RORA: variants seen among roughly 807,000 people sequenced by gnomAD.
RORA encodes the protein nuclear receptor ROR-alpha.
A neutral mutation model predicts 69.5 loss-of-function variants in RORA; 7 were observed. The ratio of observed to expected loss-of-function variants is 0.10; its 90% CI spans 0.06 to 0.19. RORA has a LOEUF of 0.19. RORA is among the 10% of genes least tolerant of loss of function. The pLI is 1.00. For missense variants in RORA, 457 were observed against 663.0 expected (o/e 0.69, Z 3.41); for synonymous variants, 261 against 240.8 (o/e 1.08, Z -0.78).
chr15:61,064,284 C>T (rs1230202657), intron 1 of RORA, among the ~76,000 whole-genome samples: 4 of 152,210 alleles, frequency 2.6e-5, no homozygotes, highest in Admixed American at 2.6e-4. Context: ...TCACAGTTTC[C>T]ATCCGCGAAG....
chr15:60,776,868 TC>T (rs2072174954), intron 1 of RORA, among the ~76,000 whole-genome samples: 1 of 152,222 alleles, frequency 6.6e-6, no homozygotes, highest in African/African-American at 2.4e-5. Context: ...CTATTTTTCC[TC>T]CTTCCCTTAG....
chr15:60,900,744 C>T (rs987933510), intron 1 of RORA, among the ~76,000 whole-genome samples: 4 of 151,906 alleles, frequency 2.6e-5, no homozygotes, highest in South Asian at 2.1e-4. Flanking sequence ...TGGTGGTGTG[C>T]GCCTGTAGTC....
chr15:60,613,796 A>C (rs2140594005), intron 2 of RORA, among the ~76,000 whole-genome samples: 1 of 151,166 alleles, frequency 6.6e-6, no homozygotes, highest in South Asian at 2.1e-4. Flanking sequence ...AAAGGGAAAG[A>C]CTTTCTTCTT....
chr15:60,959,333 G>T (rs1047643077), intron 1 of RORA, among the ~76,000 whole-genome samples: 1 of 152,106 alleles, frequency 6.6e-6, no homozygotes, highest in Non-Finnish European at 1.5e-5. Context: ...CAAGTATGTG[G>T]CATCTTAGCC....
At chr15:61,154,097 C>T (rs540425151) in intron 1 of RORA, among the ~76,000 whole-genome samples, 18 of 152,256 alleles carry the variant, frequency 1.2e-4, no homozygotes, top group South Asian at 4.1e-4. Context: ...AATACCAGGT[C>T]TTTAACTCAC....
chr15:61,076,418 C>CA (rs2078450652), intron 1 of RORA, among the ~76,000 whole-genome samples: 1 of 139,248 alleles, frequency 7.2e-6, no homozygotes, highest in African/African-American at 2.7e-5. Flanking sequence ...AAAAAAAAAA[C>CA]GTTTCAACAA....
chr15:61,130,359 G>C (rs1363684250), intron 1 of RORA, among the ~76,000 whole-genome samples: 1 of 151,976 alleles, frequency 6.6e-6, no homozygotes, highest in African/African-American at 2.4e-5. Context: ...TTTCACATGT[G>C]GAAAAAAACA....
chr15:61,154,713 G>A (rs1345401649), intron 1 of RORA, among the ~76,000 whole-genome samples: 2 of 152,166 alleles, frequency 1.3e-5, no homozygotes, highest in African/African-American at 2.4e-5. Context: ...TCATCAAGTG[G>A]GAAGGAAAAT....
intron 1 of RORA, among the ~76,000 whole-genome samples, chr15:60,784,941 T>C (rs1260839232): frequency 2.0e-5 from 3 of 152,144 alleles, no homozygotes; most frequent in Non-Finnish European, 4.4e-5. Context: ...CATATTTAGA[T>C]GTCACCCCTG....
At chr15:61,186,699 C>T (rs2099287704) in intron 1 of RORA, among the ~76,000 whole-genome samples, 1 of 149,526 alleles carries the variant, frequency 6.7e-6, no homozygotes, top group Non-Finnish European at 1.5e-5. Context: ...GATGTCATGG[C>T]ACTGTCCCCT....
chr15:60,538,536 A>G (rs549252554), intron 2 of RORA, among the ~76,000 whole-genome samples: 21 of 152,228 alleles, frequency 1.4e-4, no homozygotes, highest in African/African-American at 4.6e-4. Flanking sequence ...ACACAGTACC[A>G]TAATTCTCAT....
intron 1 of RORA, among the ~76,000 whole-genome samples, chr15:61,097,124 G>A (rs1180237369): frequency 6.6e-6 from 1 of 152,184 alleles, no homozygotes; most frequent in Non-Finnish European, 1.5e-5. Context: ...AAGAGGGGGA[G>A]TGTTTCCGAT....
chr15:61,058,280 A>C (rs1017539308), intron 1 of RORA, among the ~76,000 whole-genome samples: 1 of 152,142 alleles, frequency 6.6e-6, no homozygotes, highest in African/African-American at 2.4e-5. Flanking sequence ...AGAAAGCTAG[A>C]GTTTTGGAGT....
intron 3 of RORA, among the ~76,000 whole-genome samples, chr15:60,526,103 A>C (rs553905034): frequency 6.6e-6 from 1 of 152,380 alleles, no homozygotes; most frequent in South Asian, 2.1e-4. Flanking sequence ...AGGCGGCCTC[A>C]TTCACGAAAG....
chr15:60,815,144 G>A (rs567777564), intron 1 of RORA, among the ~76,000 whole-genome samples: 65 of 152,276 alleles, frequency 4.3e-4, no homozygotes, highest in Non-Finnish European at 7.5e-4. Flanking sequence ...CCAACTTGTG[G>A]AGGAGTGGCC....
intron 2 of RORA, among the ~76,000 whole-genome samples, chr15:60,664,917 C>T (rs2070358583): frequency 6.6e-6 from 1 of 152,176 alleles, no homozygotes; most frequent in South Asian, 2.1e-4. Context: ...AGGGAGGAAG[C>T]TGCATATGAA....
intron 1 of RORA, among the ~76,000 whole-genome samples, chr15:60,822,022 T>A (rs1355935726): frequency 6.6e-6 from 1 of 152,172 alleles, no homozygotes; most frequent in African/African-American, 2.4e-5. Context: ...CACGGAATTT[T>A]AGAACTAAAA....
chr15:60,691,909 G>C (rs1220168240), intron 1 of RORA, among the ~76,000 whole-genome samples: 3 of 152,308 alleles, frequency 2.0e-5, no homozygotes, highest in East Asian at 3.9e-4. Flanking sequence ...GGATAATAAA[G>C]AATCTGCAGA....
rs550441994 is a variant in RORA at position 61,099,608 on chromosome 15, C to A, written c.166+129445G>T. Among the ~76,000 whole-genome samples the A allele has an allele frequency of 2.0e-5, 3 of 152,340 alleles. No individual in the cohort carries two copies. In the East Asian group the frequency reaches 5.8e-4, roughly 29 times the overall value. On this transcript the variant is annotated intron_variant, in intron 1 of 10. Coordinates refer to ENST00000335670, the MANE Select transcript of RORA (RefSeq NM_134261.3). The stretch of plus-strand genomic sequence containing the variant: ...GTTACTTATTACTTCAAAACCAACA[C>A]ACGCAACGCATACCTCCTACCGAAA...
Sources: gnomAD v4.1 joint callset for allele counts (sites outside exome capture counted in the v4.1 genomes callset) on GRCh38, gnomAD v4.1.1 for gene constraint, MANE v1.5 for transcripts, NCBI Gene and HGNC (gene_info 2026-07-23, HGNC 2026-07-21) for gene names.